TRIM69: variants seen among roughly 807,000 people sequenced by gnomAD.
The protein encoded by TRIM69 is E3 ubiquitin-protein ligase TRIM69.
In TRIM69, 29 loss-of-function variants were observed where a neutral mutation model predicts 37.7. That is an observed-to-expected ratio of 0.77 (90% CI 0.57 to 1.05). The LOEUF (loss-of-function observed/expected upper bound fraction) is 1.05. Among genes scored for constraint, TRIM69 ranks in the 50% least tolerant of loss-of-function variants. The pLI is 0.00. For synonymous variants in TRIM69, 209 were observed against 212.4 expected, an observed-to-expected ratio of 0.98 and a Z score of 0.14; for missense variants, 596 against 579.9, an observed-to-expected ratio of 1.03 and a Z score of -0.28.
chr15:44,744,467 A>C (rs185185719), intron 1 of TRIM69, among the ~76,000 whole-genome samples: 2 of 152,196 alleles, frequency 1.3e-5, no homozygotes, highest in Admixed American at 6.6e-5. Context: ...AATAATAAAA[A>C]AAATGGTGGA....
chr15:44,740,931 C>T (rs1316083606), intron 1 of TRIM69, among the ~76,000 whole-genome samples: 4 of 152,066 alleles, frequency 2.6e-5, no homozygotes, highest in Non-Finnish European at 1.5e-5. Context: ...AACAAGGATA[C>T]CCAGGAATTG....
intron 6 of TRIM69, among the ~76,000 whole-genome samples, chr15:44,764,506 C>T (rs895199542): frequency 2.0e-5 from 3 of 152,176 alleles, no homozygotes; most frequent in Admixed American, 6.5e-5. Flanking sequence ...GGAGCTGGCA[C>T]TTTTCTGTAA....
Position 44,755,079 on chromosome 15 carries a change from A to G in TRIM69, c.186A>G (p.Glu62=), listed in dbSNP as rs140488957. 83 of 1,614,106 alleles carry G rather than the reference A, an allele frequency of 5.1e-5. No individual in the cohort carries two copies. The highest frequency in any genetic ancestry group is 6.6e-5 in the Non-Finnish European group (78 of 1,180,046). The change falls in exon 2 of 7, where the codon GAA becomes GAG. Residue 62 remains glutamate, a synonymous_variant. Coordinates refer to ENST00000329464, the MANE Select transcript of TRIM69 (RefSeq NM_182985.5). The part of the protein sequence containing the change: ...LMLSCGHNFC[E]ACIQDFWRLQ... ...TAAGCTGTGGCCACAACTTCTGTGAAGCCTGTATCCAAGACTTTTGGAGGC... is the reference window on the plus strand; with the variant it reads ...TAAGCTGTGGCCACAACTTCTGTGAGGCCTGTATCCAAGACTTTTGGAGGC...
At chr15:44,741,466 C>G (rs1413878487) in intron 1 of TRIM69, among the ~76,000 whole-genome samples, 3 of 152,108 alleles carry the variant, frequency 2.0e-5, no homozygotes, top group Non-Finnish European at 4.4e-5. Flanking sequence ...TAACTAAAAT[C>G]AGAGCAGAAC....
At chr15:44,738,050 C>CTTTTTTT (rs772041054) in intron 1 of TRIM69, among the ~76,000 whole-genome samples, 2 of 118,020 alleles carry the variant, frequency 1.7e-5, no homozygotes, top group African/African-American at 6.7e-5. Flanking sequence ...TACTTTCTTT[C>CTTTTTTT]TTTCTTTTTT....
At chr15:44,756,231 C>CTATG (rs1322590710) in intron 2 of TRIM69, 137 bp from the exon 3 acceptor site, 1 of 603,060 alleles carries the variant, frequency 1.7e-6, no homozygotes, top group Non-Finnish European at 3.0e-6. Context: ...GAGACAAGAA[C>CTATG]TATGATACAG....
At position 44,767,598 on chromosome 15, in the gene TRIM69, G is replaced by A. The variant is rs1390021955; in HGVS notation, c.1329G>A (p.Val443=). The change falls in exon 7 of 7, where the codon GTG becomes GTA. Residue 443 remains valine, a synonymous_variant. Coordinates refer to ENST00000329464, the MANE Select transcript of TRIM69 (RefSeq NM_182985.5). ...SLTLTNNLDK[V]GIYLDYEGGQ... Reference sequence around the variant, plus strand: ...CACTGACTAACAACCTCGACAAGGTGGGCATATACCTGGATTATGAAGGAG... The same window carrying A: ...CACTGACTAACAACCTCGACAAGGTAGGCATATACCTGGATTATGAAGGAG... 2 of 1,614,024 alleles carry A rather than the reference G, an allele frequency of 1.2e-6. No homozygotes were observed. The highest frequency in any genetic ancestry group is 1.3e-5 in the African/African-American group (1 of 74,904).
In TRIM69 at chr15:44,755,312, C is replaced by T. The variant is rs868569561; in HGVS notation, c.419C>T (p.Ala140Val). ...GKLICFQCKD[A>V]RLSVGQSKEF... Reference sequence around the variant, plus strand: ...CTGATCTGCTTTCAATGCAAGGATGCTCGGTTGTCTGTGGGGCAGTCTAAG... The same window carrying T: ...CTGATCTGCTTTCAATGCAAGGATGTTCGGTTGTCTGTGGGGCAGTCTAAG... The change falls in exon 2 of 7, where the codon GCT becomes GTT. Residue 140 changes from alanine (A) to valine (V), a missense_variant. Transcript: ENST00000329464. 1 of 1,613,950 alleles carries T rather than the reference C, an allele frequency of 6.2e-7. No homozygotes were observed. The highest frequency in any genetic ancestry group is 1.3e-5 in the African/African-American group (1 of 74,908).
Position 44,754,927 on chromosome 15 carries a change from G to A in TRIM69, c.34G>A (p.Asp12Asn), listed in dbSNP as rs2444007. The change falls in exon 2 of 7, where the codon GAT (aspartate) becomes AAT (asparagine). Residue 12 changes from aspartate (D) to asparagine (N), a missense_variant. Asp to Asn is a conservative substitution (Grantham distance 23). Transcript: ENST00000329464. The stretch of plus-strand genomic sequence containing the variant: ...ATCCACCAACCCCTCCTCCAACATC[G>A]ATCCAGGCGACTATGTTGAAATGAA... ...EVSTNPSSNI[D>N]PGDYVEMNDS... 7,057 of 1,612,788 alleles carry A rather than the reference G, an allele frequency of 4.4e-3. 275 individuals carry two copies. In the African/African-American group the frequency reaches 0.084, roughly 19 times the overall value.
At chr15:44,765,662 GAGA>G (rs1397871826) in intron 6 of TRIM69, among the ~76,000 whole-genome samples, 2 of 1,014 alleles carry the variant, frequency 2.0e-3, no homozygotes, top group Non-Finnish European at 0.013. Context: ...GCTGAAGCAG[GAGA>G]ATTGCTTGAA....
At chr15:44,747,121 C>A (rs1457440223) in intron 1 of TRIM69, among the ~76,000 whole-genome samples, 1 of 152,118 alleles carries the variant, frequency 6.6e-6, no homozygotes, top group East Asian at 1.9e-4. Context: ...AGCCCTGGTA[C>A]AGAACAAAGA....
chr15:44,738,804 G>A (rs1452243161), intron 1 of TRIM69, among the ~76,000 whole-genome samples: 1 of 152,086 alleles, frequency 6.6e-6, no homozygotes, highest in African/African-American at 2.4e-5. Context: ...GTAATAATAC[G>A]TATTTCATAG....
chr15:44,760,187 G>A (rs1006187554), intron 6 of TRIM69, among the ~76,000 whole-genome samples: 2 of 152,092 alleles, frequency 1.3e-5, no homozygotes, highest in Non-Finnish European at 2.9e-5. Context: ...GAATCCCAGG[G>A]GCTTCTCTGA....
chr15:44,738,731 A>G (rs1431914975), intron 1 of TRIM69, among the ~76,000 whole-genome samples: 1 of 152,196 alleles, frequency 6.6e-6, no homozygotes, highest in Non-Finnish European at 1.5e-5. Flanking sequence ...CCCACTACTT[A>G]ATAATTGTGA....
At chr15:44,766,637 G>C (rs564170380) in intron 6 of TRIM69, among the ~76,000 whole-genome samples, 1 of 152,142 alleles carries the variant, frequency 6.6e-6, no homozygotes, top group East Asian at 1.9e-4. Flanking sequence ...ATATTTATTA[G>C]TATAGGTTTA....
intron 1 of TRIM69, among the ~76,000 whole-genome samples, chr15:44,750,950 C>CTTTTTTT (rs71111890): frequency 1.5e-4 from 5 of 33,570 alleles, no homozygotes; most frequent in African/African-American, 3.7e-4. Context: ...TTTCTTTTGC[C>CTTTTTTT]TTTTTTTTTT....
chr15:44,754,536 G>A (rs2087601885), intron 1 of TRIM69: 1 of 186,992 alleles, frequency 5.3e-6, no homozygotes, highest in African/African-American at 2.3e-5. Flanking sequence ...CCAATTCTTT[G>A]TATATAATTT....
chr15:44,767,227 C>G lies in TRIM69; in HGVS notation c.962-4C>G. 1 of 1,608,566 alleles carries G rather than the reference C, an allele frequency of 6.2e-7. No homozygotes were observed. Among genetic ancestry groups the G allele is most frequent in the Non-Finnish European group, 8.5e-7 (1 of 1,177,398 alleles). On this transcript the variant is annotated splice_polypyrimidine_tract_variant and splice_region_variant and intron_variant, in intron 6 of 6. Coordinates refer to ENST00000329464, the MANE Select transcript of TRIM69 (RefSeq NM_182985.5). ...TGCTCTGCTTTCTTTTATTTTCTTA[C>G]TAGGCCTGTCTCCACTAACTCTGGA...
chr15:44,736,741 A>G (rs1455382450), intron 1 of TRIM69, 31 bp downstream of exon 1: 3 of 1,605,848 alleles, frequency 1.9e-6, no homozygotes, highest in Non-Finnish European at 2.5e-6. Flanking sequence ...TTAACTTAGC[A>G]GGGCTTCTAG....
Sources: allele counts gnomAD v4.1 joint callset (sites outside exome capture counted in the v4.1 genomes callset), GRCh38; gene constraint gnomAD v4.1.1; transcripts MANE v1.5; gene names NCBI Gene and HGNC (gene_info 2026-07-23, HGNC 2026-07-21).